DPP6: variants seen among roughly 807,000 people sequenced by gnomAD.
DPP6 encodes the protein dipeptidyl peptidase like 6.
Under a neutral mutation model 122.6 loss-of-function variants are expected in DPP6, and 69 were observed. The ratio of observed to expected loss-of-function variants is 0.56; its 90% CI spans 0.46 to 0.69. The LOEUF is 0.69. Ranked by LOEUF, DPP6 falls within the 30% of genes least tolerant of loss-of-function variation. The pLI is 0.00. For synonymous variants in DPP6, 418 were observed against 433.1 expected, an observed-to-expected ratio of 0.97 and a Z score of 0.43; for missense variants, 928 against 1,116.9, an observed-to-expected ratio of 0.83 and a Z score of 2.41.
intron 12 of DPP6, among the ~76,000 whole-genome samples, chr7:154,800,138 G>A (rs996748200): frequency 1.3e-5 from 2 of 152,276 alleles, no homozygotes; most frequent in Non-Finnish European, 2.9e-5. Context: ...CAAATTAACC[G>A]CTGGTTTTTC....
chr7:154,530,203 G>A (rs753423866), intron 3 of DPP6, among the ~76,000 whole-genome samples: 30 of 152,064 alleles, frequency 2.0e-4, no homozygotes, highest in East Asian at 1.4e-3. Context: ...TTTTTAGTGC[G>A]TCAGAGGCCT....
chr7:154,674,642 A>G (rs1838774710), intron 7 of DPP6, among the ~76,000 whole-genome samples: 1 of 152,228 alleles, frequency 6.6e-6, no homozygotes, highest in Non-Finnish European at 1.5e-5. Context: ...CATGATAGTG[A>G]TAAATGAAGA....
chr7:154,085,014 G>A (rs1326210321), intron 1 of DPP6, among the ~76,000 whole-genome samples: 10 of 119,972 alleles, frequency 8.3e-5, no homozygotes, highest in African/African-American at 1.7e-4. Flanking sequence ...AAAAAAAACA[G>A]GTGCCTTTAT....
At chr7:153,951,493 C>G (rs1024017784) in intron 1 of DPP6, among the ~76,000 whole-genome samples, 1 of 152,174 alleles carries the variant, frequency 6.6e-6, no homozygotes, top group Admixed American at 6.5e-5. Context: ...GAATGTGTCA[C>G]CCTCCTCAAA....
chr7:153,803,626 T>G, the DPP6 span, among the ~76,000 whole-genome samples: 1 of 151,894 alleles, frequency 6.6e-6, no homozygotes, highest in Non-Finnish European at 1.5e-5. Context: ...CTTCTCAGCC[T>G]CCTAATCATG....
At position 154,370,977 on chromosome 7, in the gene DPP6, C is replaced by A. The variant is rs6974278; in HGVS notation, c.244-75237C>A. ...GAGCTCACCTGAGCATTCTGAGGAG[C>A]CTCCCTATGCAGTTTTGGAACCCTC... is the stretch of plus-strand genomic sequence containing the variant. On this transcript the variant is annotated intron_variant, in intron 1 of 25. Transcript: ENST00000377770. Among the ~76,000 whole-genome samples the A allele has an allele frequency of 7.9e-3, 1,204 of 152,264 alleles. 10 individuals carry two copies. Among genetic ancestry groups the A allele is most frequent in the Non-Finnish European group, 0.014 (949 of 68,014 alleles).
Position 154,893,277 on chromosome 7 carries a change from T to G in DPP6, c.*797T>G. ...ACGTCTTGGGGACGTTCCTAAACACTGAGGGGGAAGACAGCCAATAGCACC... is the reference window on the plus strand; with the variant it reads ...ACGTCTTGGGGACGTTCCTAAACACGGAGGGGGAAGACAGCCAATAGCACC... On this transcript the variant is annotated 3_prime_UTR_variant, in exon 26 of 26. Coordinates refer to ENST00000377770, the MANE Select transcript of DPP6 (RefSeq NM_130797.4). 4.1e-6 allele frequency: 1 copy of G among 246,594 alleles called. No homozygotes were observed. The highest frequency in any genetic ancestry group is 8.1e-6 in the Non-Finnish European group (1 of 123,934). The allele number at this position is 246,594 out of a possible 1,614,324, so 15.3% of individuals were successfully genotyped here. A position where few individuals can be genotyped will look rare whatever the true frequency, so the allele number is the denominator to read the frequency against.
At chr7:154,267,321 AAT>A (rs1263482935) in intron 1 of DPP6, among the ~76,000 whole-genome samples, 1 of 145,718 alleles carries the variant, frequency 6.9e-6, no homozygotes, top group Admixed American at 7.0e-5. Context: ...AATATATTAC[AAT>A]ATATAATATA....
chr7:154,390,814 C>G (rs920280439), intron 1 of DPP6, among the ~76,000 whole-genome samples: 1 of 152,150 alleles, frequency 6.6e-6, no homozygotes, highest in Non-Finnish European at 1.5e-5. Flanking sequence ...AGGTTCCACA[C>G]GGTCCTCTTC....
At chr7:154,205,125 TGTG>T (rs1217659356) in intron 1 of DPP6, among the ~76,000 whole-genome samples, 1 of 152,164 alleles carries the variant, frequency 6.6e-6, no homozygotes, top group Non-Finnish European at 1.5e-5. Flanking sequence ...ACAACTTCGA[TGTG>T]GTTTTTTTTT....
intron 6 of DPP6, among the ~76,000 whole-genome samples, chr7:154,666,196 T>TACATAC (rs59027201): frequency 4.6e-5 from 4 of 86,598 alleles, no homozygotes; most frequent in African/African-American, 1.5e-4. Context: ...TATATATATA[T>TACATAC]ATATACACAT....
chr7:153,933,764 T>C (rs568665793), intron 1 of DPP6, among the ~76,000 whole-genome samples: 1 of 152,016 alleles, frequency 6.6e-6, no homozygotes, highest in Admixed American at 6.6e-5. Flanking sequence ...TCCCTTTTAG[T>C]TCCCCCCCAG....
rs1419765312 is a variant in DPP6, at chr7:154,892,468, G to C, written c.2586G>C (p.Glu862Asp). The change falls in exon 26 of 26, where the codon GAG becomes GAC. Residue 862 changes from glutamate to aspartate, a missense_variant. Physicochemically the swap from Glu to Asp is conservative, Grantham distance 45. Transcript: ENST00000377770. ...TGACAGTCACAGCGAAAGAGGACGAGGAGGAGGACTAAGCTCAGGTCGCTC... is the reference window on the plus strand; with the variant it reads ...TGACAGTCACAGCGAAAGAGGACGACGAGGAGGACTAAGCTCAGGTCGCTC... ...KLLTVTAKED[E>D]EED 1 of 1,613,608 alleles carries C rather than the reference G, an allele frequency of 6.2e-7. No homozygotes were observed. The highest frequency in any genetic ancestry group is 1.6e-4 in the Middle Eastern group (1 of 6,062).
At chr7:154,641,204 G>C (rs1836066816) in intron 6 of DPP6, among the ~76,000 whole-genome samples, 1 of 152,154 alleles carries the variant, frequency 6.6e-6, no homozygotes, top group African/African-American at 2.4e-5. Flanking sequence ...GAGTTGCAAT[G>C]AGACTCCCAA....
rs771691934 is a variant in DPP6, at chr7:154,769,380, G to GT, written c.884-35dup. ...GTGCAGCTCCAATTTCCACTCACTT[G>GT]TTACTATTCACATTTCTCTACTCTG... On this transcript the variant is annotated intron_variant, in intron 8 of 25. Transcript: ENST00000377770. 1.9e-6 allele frequency: 3 copies of GT among 1,610,848 alleles called. No homozygotes were observed. The East Asian group carries it at 6.7e-5, about 36-fold the overall frequency.
chr7:154,167,200 C>G (rs1465707299), intron 1 of DPP6, among the ~76,000 whole-genome samples: 1 of 152,132 alleles, frequency 6.6e-6, no homozygotes, highest in Admixed American at 6.5e-5. Flanking sequence ...AAATGGAAAC[C>G]GTATGGTGGC....
At chr7:154,181,749 C>CTTTTTTTT in intron 1 of DPP6, among the ~76,000 whole-genome samples, 1 of 134,912 alleles carries the variant, frequency 7.4e-6, no homozygotes. Context: ...GCATCTCCCT[C>CTTTTTTTT]TTTTTTTTTT....
intron 1 of DPP6, among the ~76,000 whole-genome samples, chr7:154,045,124 A>G (rs1799954817): frequency 6.6e-6 from 1 of 152,106 alleles, no homozygotes; most frequent in Non-Finnish European, 1.5e-5. Flanking sequence ...TCAAGGGCGA[A>G]ACAGCATCTG....
At chr7:153,758,110 A>G in the DPP6 span, among the ~76,000 whole-genome samples, 3 of 152,242 alleles carry the variant, frequency 2.0e-5, no homozygotes, top group African/African-American at 7.2e-5. Flanking sequence ...CAGTGTAAAA[A>G]TTATGACCTC....
Sources: gnomAD v4.1 joint callset for allele counts (sites outside exome capture counted in the v4.1 genomes callset) on GRCh38, gnomAD v4.1.1 for gene constraint, MANE v1.5 for transcripts, NCBI Gene and HGNC (gene_info 2026-07-23, HGNC 2026-07-21) for gene names.